CCBE1: variants seen among roughly 807,000 people sequenced by gnomAD.
The protein encoded by CCBE1 is collagen and calcium binding EGF domains 1.
Under a neutral mutation model 50.0 loss-of-function variants are expected in CCBE1, and 37 were observed. The ratio of observed to expected loss-of-function variants is 0.74; its 90% CI spans 0.57 to 0.97. The LOEUF (loss-of-function observed/expected upper bound fraction) is 0.97, where lower values mean the gene tolerates loss of function less well. Among genes scored for constraint, CCBE1 ranks in the 50% least tolerant of loss-of-function variants. The pLI is 0.00. For synonymous variants in CCBE1, 234 were observed against 203.7 expected, an observed-to-expected ratio of 1.15 and a Z score of -1.27; for missense variants, 538 against 523.8, an observed-to-expected ratio of 1.03 and a Z score of -0.26.
At chr18:59,463,111 C>T (rs1482982933) in intron 5 of CCBE1, among the ~76,000 whole-genome samples, 7 of 152,198 alleles carry the variant, frequency 4.6e-5, no homozygotes, top group African/African-American at 1.7e-4. Flanking sequence ...GAAAGAGGTG[C>T]ATGTAGTCCC....
chr18:59,613,279 C>A (rs1229676747), intron 2 of CCBE1, among the ~76,000 whole-genome samples: 3 of 152,144 alleles, frequency 2.0e-5, no homozygotes. Flanking sequence ...TGTCAAGGTA[C>A]AAACAGCAAA....
At chr18:59,557,921 G>T (rs1864308) in intron 2 of CCBE1, among the ~76,000 whole-genome samples, 1 of 152,008 alleles carries the variant, frequency 6.6e-6, no homozygotes, top group Non-Finnish European at 1.5e-5. Flanking sequence ...ATTAAACTAC[G>T]CATGGATATA....
chr18:59,476,140 C>T (rs1051644601), intron 3 of CCBE1, among the ~76,000 whole-genome samples: 1 of 152,122 alleles, frequency 6.6e-6, no homozygotes, highest in African/African-American at 2.4e-5. Context: ...TCTCGGTGAT[C>T]CTGGGTTCTT....
intron 2 of CCBE1, among the ~76,000 whole-genome samples, chr18:59,538,099 C>A (rs1915324669): frequency 6.6e-6 from 1 of 152,156 alleles, no homozygotes; most frequent in Non-Finnish European, 1.5e-5. Context: ...TAAGATAATG[C>A]ACCTAAAGAC....
intron 6 of CCBE1, 25 bp downstream of exon 6, chr18:59,454,826 T>C (rs757508800): frequency 6.3e-7 from 1 of 1,597,848 alleles, no homozygotes; most frequent in Non-Finnish European, 8.6e-7. Context: ...TCAGGCATCA[T>C]CGTTCCCACC....
At chr18:59,436,658 G>A (rs1208570535) in intron 10 of CCBE1, among the ~76,000 whole-genome samples, 1 of 152,208 alleles carries the variant, frequency 6.6e-6, no homozygotes, top group Non-Finnish European at 1.5e-5. Flanking sequence ...AGGGCTTTGA[G>A]CATAATACGT....
At chr18:59,588,110 A>C (rs2053204019) in intron 2 of CCBE1, among the ~76,000 whole-genome samples, 1 of 152,248 alleles carries the variant, frequency 6.6e-6, no homozygotes, top group Non-Finnish European at 1.5e-5. Flanking sequence ...TTGATGCTAA[A>C]ATTTACATAG....
intron 2 of CCBE1, among the ~76,000 whole-genome samples, chr18:59,602,787 A>T (rs984879700): frequency 6.6e-6 from 1 of 152,238 alleles, no homozygotes; most frequent in African/African-American, 2.4e-5. Flanking sequence ...GTTAAGTGCC[A>T]GAAGACTACA....
intron 6 of CCBE1, among the ~76,000 whole-genome samples, chr18:59,452,476 C>G (rs1222615285): frequency 1.3e-5 from 2 of 152,152 alleles, no homozygotes; most frequent in African/African-American, 4.8e-5. Flanking sequence ...CACCTGTAAT[C>G]CCAGCTACCC....
At chr18:59,669,600 G>T (rs2054404944) in intron 2 of CCBE1, among the ~76,000 whole-genome samples, 1 of 152,184 alleles carries the variant, frequency 6.6e-6, no homozygotes, top group Admixed American at 6.5e-5. Flanking sequence ...GTGGCTGCAA[G>T]AAAGCTGCTT....
intron 2 of CCBE1, among the ~76,000 whole-genome samples, chr18:59,485,916 T>A (rs1912804321): frequency 6.6e-6 from 1 of 151,408 alleles, no homozygotes; most frequent in African/African-American, 2.4e-5. Flanking sequence ...TTTTTTTTTT[T>A]AATGAGAGAG....
intron 9 of CCBE1, among the ~76,000 whole-genome samples, chr18:59,438,467 A>G (rs1483396897): frequency 6.6e-6 from 1 of 152,210 alleles, no homozygotes; most frequent in Non-Finnish European, 1.5e-5. Context: ...TGAGGCAAAA[A>G]AGAGCAGGCA....
At chr18:59,696,584 C>T in intron 2 of CCBE1, 45 bp downstream of exon 2, 1 of 1,611,106 alleles carries the variant, frequency 6.2e-7, no homozygotes, top group Non-Finnish European at 8.5e-7. Flanking sequence ...CCCCAGCCAG[C>T]CCCGGTGCGC....
At chr18:59,497,320 T>C (rs1913400859) in intron 2 of CCBE1, among the ~76,000 whole-genome samples, 1 of 152,174 alleles carries the variant, frequency 6.6e-6, no homozygotes, top group South Asian at 2.1e-4. Flanking sequence ...CAAAGAGTTA[T>C]AAGGTAAGAA....
At chr18:59,630,271 C>CAA (rs34953722) in intron 2 of CCBE1, among the ~76,000 whole-genome samples, 1 of 139,808 alleles carries the variant, frequency 7.2e-6, no homozygotes, top group Non-Finnish European at 1.6e-5. Flanking sequence ...GCCTTTTGGG[C>CAA]AAAAAAAAAA....
chr18:59,537,930 G>A (rs1421508819), intron 2 of CCBE1, among the ~76,000 whole-genome samples: 1 of 152,060 alleles, frequency 6.6e-6, no homozygotes, highest in Non-Finnish European at 1.5e-5. Context: ...ATTTTCCAGG[G>A]GTATTATGGG....
chr18:59,658,748 C>G lies in CCBE1; in HGVS notation c.212+37881G>C, dbSNP rs545376875. 5.3e-4 allele frequency among the ~76,000 whole-genome samples: 81 copies of G among 151,410 alleles called. 2 individuals carry two copies. Among genetic ancestry groups the G allele is most frequent in the African/African-American group, 1.8e-3 (76 of 41,256 alleles). ...TACAAAAATTAGCTGAGCGTGGTAGCGTGTACCTATAGTCCCAGCTACTTG... is the reference window on the plus strand; with the variant it reads ...TACAAAAATTAGCTGAGCGTGGTAGGGTGTACCTATAGTCCCAGCTACTTG... On this transcript the variant is annotated intron_variant, in intron 2 of 10. Coordinates refer to ENST00000439986, the MANE Select transcript of CCBE1 (RefSeq NM_133459.4).
At chr18:59,492,874 A>G (rs961951642) in intron 2 of CCBE1, among the ~76,000 whole-genome samples, 5 of 152,202 alleles carry the variant, frequency 3.3e-5, no homozygotes, top group Admixed American at 1.3e-4. Flanking sequence ...CTTGACCCTT[A>G]CAGAATGCTG....
intron 2 of CCBE1, among the ~76,000 whole-genome samples, chr18:59,637,202 T>C (rs1184752024): frequency 6.6e-6 from 1 of 152,232 alleles, no homozygotes; most frequent in Non-Finnish European, 1.5e-5. Context: ...CTTTATCTTA[T>C]GACAAACAAC....
Sources: allele counts gnomAD v4.1 joint callset (sites outside exome capture counted in the v4.1 genomes callset), GRCh38; gene constraint gnomAD v4.1.1; transcripts MANE v1.5; gene names NCBI Gene and HGNC (gene_info 2026-07-23, HGNC 2026-07-21).